SLCO5A1: variants seen among roughly 807,000 people sequenced by gnomAD.
SLCO5A1 encodes solute carrier organic anion transporter family member 5A1.
A neutral mutation model predicts 65.1 loss-of-function variants in SLCO5A1; 39 were observed. The ratio of observed to expected loss-of-function variants is 0.60; its 90% CI spans 0.46 to 0.78. The LOEUF is 0.78. Ranked by LOEUF, SLCO5A1 falls within the 30% of genes least tolerant of loss-of-function variation. The pLI is 0.00. For synonymous variants in SLCO5A1, 438 were observed against 415.7 expected (o/e 1.05, Z -0.65); for missense variants, 1,029 against 1,069.4 (o/e 0.96, Z 0.53).
chr8:69,798,674 G>A (rs985858202), intron 2 of SLCO5A1, among the ~76,000 whole-genome samples: 3 of 152,084 alleles, frequency 2.0e-5, no homozygotes, highest in African/African-American at 7.2e-5. Flanking sequence ...ATTACAATTC[G>A]ACATGAGATT....
intron 5 of SLCO5A1, among the ~76,000 whole-genome samples, chr8:69,735,632 T>C (rs1816520713): frequency 6.6e-6 from 1 of 152,000 alleles, no homozygotes; most frequent in Admixed American, 6.6e-5. Context: ...AACACATAGA[T>C]ACATGGAGGG....
At chr8:69,826,878 CAA>C (rs1177982447) in intron 2 of SLCO5A1, among the ~76,000 whole-genome samples, 14 of 152,156 alleles carry the variant, frequency 9.2e-5, no homozygotes, top group African/African-American at 3.4e-4. Flanking sequence ...TTCACAATAG[CAA>C]AGACTTGGAA....
chr8:69,704,150 G>A lies in SLCO5A1; in HGVS notation c.1622+881C>T, dbSNP rs536864001. ...TCCCAGTCTCAAGTTATTCTCCTGC[G>A]TCAGCCTCCCCCAAGTGCTGGGGTT... is the stretch of plus-strand genomic sequence containing the variant. On this transcript the variant is annotated intron_variant, in intron 6 of 9. Coordinates refer to ENST00000260126, the MANE Select transcript of SLCO5A1 (RefSeq NM_030958.3). Among the ~76,000 whole-genome samples the A allele has an allele frequency of 5.8e-4, 88 of 152,224 alleles. No homozygotes were observed. In the Middle Eastern group the frequency reaches 0.014, roughly 24 times the overall value.
intron 2 of SLCO5A1, among the ~76,000 whole-genome samples, chr8:69,775,554 G>A (rs1818521805): frequency 6.6e-6 from 1 of 152,134 alleles, no homozygotes; most frequent in Non-Finnish European, 1.5e-5. Flanking sequence ...TTATCAGGAA[G>A]GCATGTAAAA....
rs1563382165 is a variant in SLCO5A1, at chr8:69,831,954, G to A, written c.720C>T (p.Gly240=). The part of the protein sequence containing the change: ...SAPNDGLCQG[G]NSTATLEPPA... ...GAGGCTCCAAAGTGGCGGTGGAGTT[G>A]CCACCCTGACACAGGCCGTCGTTGG... Residue 240 remains glycine (G), a synonymous_variant, in exon 2 of 10, where the codon GGC becomes GGT. Transcript: ENST00000260126. The A allele has an allele frequency of 6.3e-7, 1 of 1,594,042 alleles. No homozygotes were observed. Among genetic ancestry groups the A allele is most frequent in the Non-Finnish European group, 8.5e-7 (1 of 1,171,366 alleles).
intron 5 of SLCO5A1, among the ~76,000 whole-genome samples, chr8:69,722,369 T>C (rs185207253): frequency 1.6e-4 from 24 of 152,262 alleles, no homozygotes; most frequent in Non-Finnish European, 2.4e-4. Flanking sequence ...ATTATCTCCT[T>C]ATACAGATAA....
intron 8 of SLCO5A1, among the ~76,000 whole-genome samples, chr8:69,677,929 C>A (rs1421537821): frequency 6.6e-6 from 1 of 152,148 alleles, no homozygotes; most frequent in Non-Finnish European, 1.5e-5. Context: ...AATCCCCTTC[C>A]CTGCACTGCA....
chr8:69,713,586 A>T (rs1432456439), intron 5 of SLCO5A1: 1 of 152,202 alleles, frequency 6.6e-6, no homozygotes, highest in African/African-American at 2.4e-5. Flanking sequence ...TATCTCATTT[A>T]ATTCTCAAAT....
intron 5 of SLCO5A1, among the ~76,000 whole-genome samples, chr8:69,711,361 C>G (rs2380586): frequency 0.42 from 63,217 of 151,956 alleles, 13,340 homozygotes; most frequent in South Asian, 0.56. Context: ...GACCCTGCCG[C>G]GTTCCCAGCC....
At chr8:69,807,924 C>T (rs897158184) in intron 2 of SLCO5A1, among the ~76,000 whole-genome samples, 9 of 152,088 alleles carry the variant, frequency 5.9e-5, no homozygotes, top group Admixed American at 3.9e-4. Context: ...AGGATGGTCT[C>T]GATCTCCTGA....
At position 69,683,675 on chromosome 8, in the gene SLCO5A1, G is replaced by T. The variant is rs545282985; in HGVS notation, c.1623-1332C>A. Among the ~76,000 whole-genome samples, 19 of 151,996 alleles carry T rather than the reference G, an allele frequency of 1.3e-4. No homozygotes were observed. In the South Asian group the frequency reaches 2.7e-3, roughly 22 times the overall value. On this transcript the variant is annotated intron_variant, in intron 6 of 9. Transcript: ENST00000260126. ...CCTCCCAGGTTCAAGCAATTCGCCT[G>T]CCTCAGCCTCCCGAGTGGCTGGGAT...
At chr8:69,711,372 T>G (rs1815247924) in intron 5 of SLCO5A1, among the ~76,000 whole-genome samples, 1 of 152,022 alleles carries the variant, frequency 6.6e-6, no homozygotes, top group Admixed American at 6.6e-5. Context: ...GTTCCCAGCC[T>G]CGGAGGGACC....
intron 2 of SLCO5A1, among the ~76,000 whole-genome samples, chr8:69,767,583 C>T (rs1244728732): frequency 6.6e-5 from 10 of 152,104 alleles, no homozygotes; most frequent in Non-Finnish European, 1.3e-4. Context: ...GCCTGGCACA[C>T]AGGCTATATA....
intron 5 of SLCO5A1, chr8:69,713,477 G>T (rs2959562): frequency 0.64 from 96,528 of 151,898 alleles, 31,199 homozygotes; most frequent in African/African-American, 0.74. Context: ...TCCCTTTTTT[G>T]TGTGTGTGCA....
intron 2 of SLCO5A1, among the ~76,000 whole-genome samples, chr8:69,798,443 T>C (rs1226672899): frequency 6.6e-6 from 1 of 152,060 alleles, no homozygotes; most frequent in Non-Finnish European, 1.5e-5. Context: ...AAGTTACAAT[T>C]ACAGTGAAAG....
At position 69,815,855 on chromosome 8, in the gene SLCO5A1, C is replaced by T. The variant is rs144944612; in HGVS notation, c.907+15912G>A. ...ACCCACTAAAAATAATCCACTGGAG[C>T]ACACCATAGTAACTTCTCTAAACTA... On this transcript the variant is annotated intron_variant, in intron 2 of 9. Coordinates refer to ENST00000260126, the MANE Select transcript of SLCO5A1 (RefSeq NM_030958.3). 2.9e-3 allele frequency among the ~76,000 whole-genome samples: 438 copies of T among 152,192 alleles called. 2 individuals carry two copies. The highest frequency in any genetic ancestry group is 9.9e-3 in the African/African-American group (412 of 41,522).
At chr8:69,750,284 T>C (rs2130854348) in intron 4 of SLCO5A1, among the ~76,000 whole-genome samples, 1 of 152,226 alleles carries the variant, frequency 6.6e-6, no homozygotes, top group South Asian at 2.1e-4. Context: ...TTTAGCAGGC[T>C]GCTGTCCTTT....
In SLCO5A1 at chr8:69,670,949, CAATCAGCAAGGTTTTCTT is replaced by C. The variant is rs1235434433; in HGVS notation, c.*1902_*1919del. 4 of 152,266 alleles carry C rather than the reference CAATCAGCAAGGTTTTCTT, an allele frequency of 2.6e-5. No homozygotes were observed. Among genetic ancestry groups the C allele is most frequent in the Non-Finnish European group, 4.4e-5 (3 of 68,080 alleles). The allele number at this position is 152,266 out of a possible 1,614,324, so 9.4% of individuals were successfully genotyped here. A position where few individuals can be genotyped will look rare whatever the true frequency, so the allele number is the denominator to read the frequency against. On this transcript the variant is annotated 3_prime_UTR_variant, in exon 10 of 10. Coordinates refer to ENST00000260126, the MANE Select transcript of SLCO5A1 (RefSeq NM_030958.3). Reference sequence around the variant, plus strand: ...TGAGGCCCCAAAGGAGACACTAGTTCAATCAGCAAGGTTTTCTTAATCAGCAAGATTTTTTGAATACTT... The same window carrying C: ...TGAGGCCCCAAAGGAGACACTAGTTCAATCAGCAAGATTTTTTGAATACTT...
chr8:69,801,716 T>C (rs1819745146), intron 2 of SLCO5A1, among the ~76,000 whole-genome samples: 1 of 152,174 alleles, frequency 6.6e-6, no homozygotes. Context: ...GTGCTTTCCT[T>C]TGGCTTAGCT....
Sources: allele counts gnomAD v4.1 joint callset (sites outside exome capture counted in the v4.1 genomes callset), GRCh38; gene constraint gnomAD v4.1.1; transcripts MANE v1.5; gene names NCBI Gene and HGNC (gene_info 2026-07-23, HGNC 2026-07-21).